HGSNAT: variants seen among roughly 807,000 people sequenced by gnomAD.
HGSNAT encodes the protein heparan-alpha-glucosaminide N-acetyltransferase.
HGSNAT carries 59 observed loss-of-function variants against 85.2 expected under a neutral mutation model. That is an observed-to-expected ratio of 0.69 (90% CI 0.56 to 0.86). The LOEUF (loss-of-function observed/expected upper bound fraction) is 0.86, where lower values mean the gene tolerates loss of function less well. Among genes scored for constraint, HGSNAT ranks in the 40% least tolerant of loss-of-function variants. The pLI is 0.00. For synonymous variants in HGSNAT, 321 were observed against 304.5 expected (o/e 1.05, Z -0.56); for missense variants, 756 against 777.1 (o/e 0.97, Z 0.32).
chr8:43,142,623 TG>T (rs1197200233), intron 1 of HGSNAT, among the ~76,000 whole-genome samples: 1 of 152,200 alleles, frequency 6.6e-6, no homozygotes, highest in African/African-American at 2.4e-5. Context: ...GGAGGTTCGT[TG>T]TTTTTTGTGG....
chr8:43,155,171 C>T (rs949566215), intron 2 of HGSNAT, among the ~76,000 whole-genome samples: 5 of 152,080 alleles, frequency 3.3e-5, no homozygotes, highest in Non-Finnish European at 7.3e-5. Flanking sequence ...CCCACAATGG[C>T]TGTACTAATT....
Position 43,172,454 on chromosome 8 carries a change from A to G in HGSNAT, c.820+68A>G, listed in dbSNP as rs531408990. On this transcript the variant is annotated intron_variant, in intron 8 of 17. Transcript: ENST00000379644. Reference sequence around the variant, plus strand: ...CACAGAGCTTCAGGGCAGGAGAATCACTCAGCATTCTCCCCAGAAACTCCA... The same window carrying G: ...CACAGAGCTTCAGGGCAGGAGAATCGCTCAGCATTCTCCCCAGAAACTCCA... 3.5e-6 allele frequency: 4 copies of G among 1,142,810 alleles called. No individual in the cohort carries two copies. The South Asian group carries it at 5.2e-5, about 15-fold the overall frequency. 70.8% of individuals were successfully genotyped at this position (1,142,810 alleles called of 1,614,324 possible). A position where few individuals can be genotyped will look rare whatever the true frequency, so the allele number is the denominator to read the frequency against.
chr8:43,163,252 A>C (rs1563363754), intron 5 of HGSNAT, among the ~76,000 whole-genome samples: 1 of 152,078 alleles, frequency 6.6e-6, no homozygotes, highest in African/African-American at 2.4e-5. Flanking sequence ...ACCTTGCCCC[A>C]TGTGGAACTG....
At chr8:43,161,076 T>C (rs1803252108) in intron 4 of HGSNAT, among the ~76,000 whole-genome samples, 1 of 152,156 alleles carries the variant, frequency 6.6e-6, no homozygotes, top group Non-Finnish European at 1.5e-5. Flanking sequence ...TCCTGAAGTA[T>C]GTAGGGATGA....
chr8:43,197,285 C>G, intron 15 of HGSNAT: 1 of 561,638 alleles, frequency 1.8e-6, no homozygotes, highest in Non-Finnish European at 3.2e-6. Flanking sequence ...GAGGTATGGG[C>G]TCTGTGTGGA....
At chr8:43,193,140 G>A (rs905805685) in intron 13 of HGSNAT, among the ~76,000 whole-genome samples, 2 of 152,202 alleles carry the variant, frequency 1.3e-5, no homozygotes, top group African/African-American at 4.8e-5. Context: ...CTTTAGTCAA[G>A]GGCAGATCCA....
rs186444371 is a variant in HGSNAT, at chr8:43,141,459, C to G, written c.118+845C>G. 4.7e-3 allele frequency among the ~76,000 whole-genome samples: 720 copies of G among 152,170 alleles called. 7 individuals are homozygous for G. The highest frequency in any genetic ancestry group is 0.017 in the African/African-American group (695 of 41,532). ...TCGGTGGGGAAAACGGTGACAAATA[C>G]AGATTCCAGGTCTCCATCTAGACCC... On this transcript the variant is annotated intron_variant, in intron 1 of 17. Coordinates refer to ENST00000379644, the MANE Select transcript of HGSNAT (RefSeq NM_152419.3).
In HGSNAT at chr8:43,178,078, G is replaced by A. The variant is rs753325760; in HGVS notation, c.856G>A (p.Val286Ile). The part of the protein sequence containing the change: ...TVADLVFPWF[V>I]FIMGSSIFLS... ...TAATAACTAGATTCTTTTTAGGTTT[G>A]TATTTATTATGGGATCTTCCATTTT... Residue 286 changes from valine (V) to isoleucine (I), a missense_variant, in exon 10 of 18, where the codon GTA becomes ATA. Val to Ile is a conservative substitution (Grantham distance 29). Coordinates refer to ENST00000379644, the MANE Select transcript of HGSNAT (RefSeq NM_152419.3). 14 of 1,613,030 alleles carry A rather than the reference G, an allele frequency of 8.7e-6. No individual in the cohort carries two copies. In the South Asian group the frequency reaches 1.5e-4, roughly 18 times the overall value.
At chr8:43,177,981 T>A in intron 9 of HGSNAT, 93 bp from the exon 10 acceptor site, 2 of 1,019,958 alleles carry the variant, frequency 2.0e-6, no homozygotes, top group Non-Finnish European at 1.5e-6. Flanking sequence ...CAAATTATGG[T>A]TGCTTCTCTT....
chr8:43,158,558 T>G lies in HGSNAT; in HGVS notation c.235-17T>G. ...GAAAAACCTCTGGCGGTTGACCTGTTGTGCTTTTATTTACAGTGCTTGTTT... is the reference window on the plus strand; with the variant it reads ...GAAAAACCTCTGGCGGTTGACCTGTGGTGCTTTTATTTACAGTGCTTGTTT... On this transcript the variant is annotated splice_polypyrimidine_tract_variant and intron_variant, in intron 2 of 17. Coordinates refer to ENST00000379644, the MANE Select transcript of HGSNAT (RefSeq NM_152419.3). 6.2e-7 allele frequency: 1 copy of G among 1,613,848 alleles called. No individual in the cohort carries two copies. The highest frequency in any genetic ancestry group is 8.5e-7 in the Non-Finnish European group (1 of 1,179,804).
chr8:43,171,896 TA>T (rs1324468013), intron 7 of HGSNAT, among the ~76,000 whole-genome samples: 1 of 152,242 alleles, frequency 6.6e-6, no homozygotes, highest in Non-Finnish European at 1.5e-5. Context: ...GTCTTATGGC[TA>T]ATGACAGAAA....
At chr8:43,161,617 T>G in intron 5 of HGSNAT, 110 bp downstream of exon 5, 1 of 723,388 alleles carries the variant, frequency 1.4e-6, no homozygotes, top group Non-Finnish European at 2.2e-6. Context: ...ATATGAACAT[T>G]TCTGTGTCCC....
At chr8:43,165,409 A>G (rs1367851517) in intron 5 of HGSNAT, among the ~76,000 whole-genome samples, 1 of 152,082 alleles carries the variant, frequency 6.6e-6, no homozygotes, top group African/African-American at 2.4e-5. Context: ...AGATACAACA[A>G]TATTGAAATT....
intron 2 of HGSNAT, among the ~76,000 whole-genome samples, chr8:43,156,687 TG>T (rs1218301658): frequency 6.6e-6 from 1 of 152,238 alleles, no homozygotes; most frequent in Admixed American, 6.5e-5. Flanking sequence ...TATATTTAGT[TG>T]TTACAATGTT....
At chr8:43,177,803 C>T (rs182384582) in intron 9 of HGSNAT, among the ~76,000 whole-genome samples, 64 of 151,962 alleles carry the variant, frequency 4.2e-4, no homozygotes, top group Admixed American at 1.6e-3. Context: ...TTTTTGATAA[C>T]GAAATGGGAG....
In HGSNAT at chr8:43,179,536, C is replaced by T. The variant is rs1392809574; in HGVS notation, c.1012+1302C>T. Among the ~76,000 whole-genome samples, 73 of 126,816 alleles carry T rather than the reference C, an allele frequency of 5.8e-4. 2 individuals are homozygous for T. The highest frequency in any genetic ancestry group is 2.3e-3 in the African/African-American group (71 of 30,960). 83.2% of individuals were successfully genotyped at this position (126,816 alleles called of 152,430 possible). A position where few individuals can be genotyped will look rare whatever the true frequency, so the allele number is the denominator to read the frequency against. On this transcript the variant is annotated intron_variant, in intron 10 of 17. Transcript: ENST00000379644. The stretch of plus-strand genomic sequence containing the variant: ...CTCCCGGACGGGGCGGCTGGCCGAC[C>T]CCCCCCACCGCCTCCCTCCCGGACG...
chr8:43,151,037 T>C (rs1398439531), intron 2 of HGSNAT, among the ~76,000 whole-genome samples: 1 of 152,046 alleles, frequency 6.6e-6, no homozygotes, highest in Non-Finnish European at 1.5e-5. Flanking sequence ...AAATAGTAAA[T>C]ACTAATGCTA....
chr8:43,170,673 G>T lies in HGSNAT; in HGVS notation c.722G>T (p.Arg241Leu). The change falls in exon 7 of 18, where the codon CGC (arginine) becomes CTC (leucine). Residue 241 changes from arginine (R) to leucine (L), a missense_variant. Physicochemically the swap from Arg to Leu is moderately radical, Grantham distance 102. Transcript: ENST00000379644. Reference sequence around the variant, plus strand: ...CTATCTGCCCTGCCGCCCCGCCTCCGCAGCGTGGACACCTTCAGGGGGTAT... The same window carrying T: ...CTATCTGCCCTGCCGCCCCGCCTCCTCAGCGTGGACACCTTCAGGGGGTAT... ...WRLSALPPRL[R>L]SVDTFRGIAL... The T allele has an allele frequency of 6.2e-7, 1 of 1,603,870 alleles. No individual in the cohort carries two copies.
At chr8:43,155,250 G>T (rs992410000) in intron 2 of HGSNAT, among the ~76,000 whole-genome samples, 9 of 151,894 alleles carry the variant, frequency 5.9e-5, no homozygotes, top group Admixed American at 2.0e-4. Flanking sequence ...ATTATTTTTT[G>T]TCTTTTTGAT....
Sources: allele counts gnomAD v4.1 joint callset (sites outside exome capture counted in the v4.1 genomes callset), GRCh38; gene constraint gnomAD v4.1.1; transcripts MANE v1.5; gene names NCBI Gene and HGNC (gene_info 2026-07-23, HGNC 2026-07-21).